PRKN: variants seen among roughly 807,000 people sequenced by gnomAD.
PRKN encodes E3 ubiquitin-protein ligase parkin.
In PRKN, 56 loss-of-function variants were observed where a neutral mutation model predicts 59.5. The ratio of observed to expected loss-of-function variants is 0.94; its 90% CI spans 0.76 to 1.18. PRKN has a LOEUF of 1.18. PRKN is among the 50% of genes most tolerant of loss of function. PRKN has a pLI of 0.00. For missense variants in PRKN, 657 were observed against 596.4 expected (o/e 1.10, Z -1.06); for synonymous variants, 250 against 222.1 (o/e 1.13, Z -1.12).
chr6:162,443,609 C>T, intron 1 of PRKN, 136 bp from the exon 2 acceptor site: 2 of 818,784 alleles, frequency 2.4e-6, no homozygotes. Context: ...TCACTTACAA[C>T]AAAAAACTTA....
intron 4 of PRKN, among the ~76,000 whole-genome samples, chr6:162,156,806 C>T (rs1488795641): frequency 2.0e-5 from 3 of 152,086 alleles, no homozygotes; most frequent in Non-Finnish European, 2.9e-5. Context: ...GATTAGCAGA[C>T]AATGTTCTCC....
rs755350772 is a variant in PRKN at position 161,379,542 on chromosome 6, G to A, written c.1167+7252C>T. ...TCCAGGACTGATATCCCTGCTGCTG[G>A]GTATGTCCGCAGCAGACAGCTCTCT... On this transcript the variant is annotated intron_variant, in intron 10 of 11. Coordinates refer to ENST00000366898, the MANE Select transcript of PRKN (RefSeq NM_004562.3). This position sits in a 1 kb window ranked among gnomAD's most constrained non-coding sequence, Gnocchi z 4.9. Among the ~76,000 whole-genome samples, 2 of 152,200 alleles carry A rather than the reference G, an allele frequency of 1.3e-5. No homozygotes were observed. Among genetic ancestry groups the A allele is most frequent in the Admixed American group, 1.3e-4 (2 of 15,274 alleles).
intron 9 of PRKN, among the ~76,000 whole-genome samples, chr6:161,537,701 T>TCC (rs1779475225): frequency 1.3e-5 from 2 of 152,202 alleles, no homozygotes; most frequent in Non-Finnish European, 1.5e-5. Flanking sequence ...TCCGCCCGCC[T>TCC]TAGCCTCCCA....
intron 4 of PRKN, among the ~76,000 whole-genome samples, chr6:162,062,102 A>C (rs1778127642): frequency 6.6e-6 from 1 of 152,230 alleles, no homozygotes; most frequent in Admixed American, 6.5e-5. Flanking sequence ...TCCACACAGA[A>C]TGTTGCAGGC....
intron 6 of PRKN, among the ~76,000 whole-genome samples, chr6:161,952,216 CTTAAT>C (rs1439368312): frequency 6.6e-6 from 1 of 152,102 alleles, no homozygotes; most frequent in African/African-American, 2.4e-5. Flanking sequence ...ACAAAATTAA[CTTAAT>C]TTGTCATGAA....
rs1292231148 is a variant in PRKN, at chr6:161,554,777, T to C, written c.934-5774A>G. ...ATACATACACACTTATATTTATACA[T>C]ACTTCCCCCTTGAGTATCTGAAATC... On this transcript the variant is annotated intron_variant, in intron 8 of 11. Transcript: ENST00000366898. The surrounding 1 kb of genome is among the most constrained non-coding windows in gnomAD (Gnocchi z 4.5). Among the ~76,000 whole-genome samples the C allele has an allele frequency of 6.6e-6, 1 of 151,270 alleles. No individual in the cohort carries two copies. The highest frequency in any genetic ancestry group is 1.5e-5 in the Non-Finnish European group (1 of 67,840).
At chr6:162,281,428 A>T (rs544363265) in intron 2 of PRKN, among the ~76,000 whole-genome samples, 97 of 152,016 alleles carry the variant, frequency 6.4e-4, no homozygotes, top group African/African-American at 2.0e-3. Flanking sequence ...AAAAAAAAAT[A>T]AGAAAATAAG....
chr6:161,532,166 C>CTCTCTATATATA (rs1355724171), intron 9 of PRKN, among the ~76,000 whole-genome samples: 4 of 115,418 alleles, frequency 3.5e-5, no homozygotes, highest in African/African-American at 1.3e-4. Context: ...CTCTCTCTCT[C>CTCTCTATATATA]TATATATATA....
chr6:161,377,895 C>T lies in PRKN; in HGVS notation c.1167+8899G>A, dbSNP rs1002102168. Among the ~76,000 whole-genome samples the T allele has an allele frequency of 6.6e-6, 1 of 152,114 alleles. No individual in the cohort carries two copies. The highest frequency in any genetic ancestry group is 2.1e-4 in the South Asian group (1 of 4,814). Reference sequence around the variant, plus strand: ...AGTGCATTCATCTTTGACTTCTGAGCCTCCAGAACTGGAAGGAATAAATGT... The same window carrying T: ...AGTGCATTCATCTTTGACTTCTGAGTCTCCAGAACTGGAAGGAATAAATGT... On this transcript the variant is annotated intron_variant, in intron 10 of 11. Transcript: ENST00000366898. This position sits in a 1 kb window ranked among gnomAD's most constrained non-coding sequence, Gnocchi z 4.2.
At chr6:162,622,369 A>G (rs1225598698) in intron 1 of PRKN, among the ~76,000 whole-genome samples, 1 of 150,306 alleles carries the variant, frequency 6.7e-6, no homozygotes, top group African/African-American at 2.4e-5. Flanking sequence ...TTTTTAGTAG[A>G]GACGGGGTTT....
In PRKN at chr6:162,697,951, T is replaced by C. The variant is rs187806815; in HGVS notation, c.7+29711A>G. On this transcript the variant is annotated intron_variant, in intron 1 of 11. Transcript: ENST00000366898. ...AGTCCTATCTAGACCTCAGGAGGTATGGAGAATACAGAAATGACAGAATAT... is the reference window on the plus strand; with the variant it reads ...AGTCCTATCTAGACCTCAGGAGGTACGGAGAATACAGAAATGACAGAATAT... 4.0e-4 allele frequency among the ~76,000 whole-genome samples: 61 copies of C among 152,288 alleles called. No homozygotes were observed. The East Asian group carries it at 6.4e-3, about 16-fold the overall frequency.
chr6:162,374,940 T>C (rs1184274365), intron 2 of PRKN, among the ~76,000 whole-genome samples: 1 of 152,136 alleles, frequency 6.6e-6, no homozygotes, highest in African/African-American at 2.4e-5. Flanking sequence ...TCTCTCACAA[T>C]TGAATCTTTA....
At chr6:161,966,404 G>A (rs937222294) in intron 6 of PRKN, among the ~76,000 whole-genome samples, 2 of 150,866 alleles carry the variant, frequency 1.3e-5, no homozygotes, top group Admixed American at 6.6e-5. Context: ...TATCAATTTC[G>A]TTTGGGAGAC....
chr6:162,161,945 CATGTAT>C (rs1782775631), intron 4 of PRKN, among the ~76,000 whole-genome samples: 1 of 151,992 alleles, frequency 6.6e-6, no homozygotes, highest in African/African-American at 2.4e-5. Flanking sequence ...CATAGGTATG[CATGTAT>C]AGGAAAAAAC....
At position 161,438,065 on chromosome 6, in the gene PRKN, C is replaced by T. The variant is rs147070719; in HGVS notation, c.1084-51188G>A. ...AAGTCAGGATGATGGTATGTGGGTC[C>T]GTGATGCTATATTCCATGGGTTAAT... On this transcript the variant is annotated intron_variant, in intron 9 of 11. Transcript: ENST00000366898. Among the ~76,000 whole-genome samples, 1,000 of 152,128 alleles carry T rather than the reference C, an allele frequency of 6.6e-3. 13 individuals are homozygous for T. The highest frequency in any genetic ancestry group is 0.058 in the East Asian group (300 of 5,176).
In PRKN at chr6:161,361,767, TC is replaced by T. The variant is rs1784984820; in HGVS notation, c.1168-1563del. On this transcript the variant is annotated intron_variant, in intron 10 of 11. Transcript: ENST00000366898. This position sits in a 1 kb window ranked among gnomAD's most constrained non-coding sequence, Gnocchi z 5.2. ...AATACTTTGCTAGAATAACGTGGAG[TC>T]AGCTGCTCGGAGGCAACGGTAGGTC... is the stretch of plus-strand genomic sequence containing the variant. Among the ~76,000 whole-genome samples the T allele has an allele frequency of 6.6e-6, 1 of 152,116 alleles. No homozygotes were observed. The highest frequency in any genetic ancestry group is 1.5e-5 in the Non-Finnish European group (1 of 68,034).
intron 1 of PRKN, among the ~76,000 whole-genome samples, chr6:162,508,805 T>C (rs551229040): frequency 4.6e-5 from 7 of 152,188 alleles, no homozygotes; most frequent in Non-Finnish European, 8.8e-5. Flanking sequence ...TGAGCCGTGA[T>C]TGCACCACTT....
At chr6:161,784,867 C>T (rs984034835) in intron 7 of PRKN, among the ~76,000 whole-genome samples, 1 of 152,178 alleles carries the variant, frequency 6.6e-6, no homozygotes, top group African/African-American at 2.4e-5. Context: ...AAATGCCCAT[C>T]AGCAGATGAA....
At chr6:162,318,631 A>G (rs898828276) in intron 2 of PRKN, among the ~76,000 whole-genome samples, 7 of 151,994 alleles carry the variant, frequency 4.6e-5, no homozygotes, top group Non-Finnish European at 7.4e-5. Flanking sequence ...TTGTTTTGAT[A>G]ATAGTTATCC....
Sources: gnomAD v4.1 joint callset for allele counts (sites outside exome capture counted in the v4.1 genomes callset) on GRCh38, gnomAD v4.1.1 for gene constraint, Gnocchi (gnomAD v3.1) non-coding constraint, MANE v1.5 for transcripts, NCBI Gene and HGNC (gene_info 2026-07-23, HGNC 2026-07-21) for gene names.